SH2B3: variants seen among roughly 807,000 people sequenced by gnomAD.
The protein encoded by SH2B3 is SH2B adaptor protein 3.
In SH2B3, 43 loss-of-function variants were observed where a neutral mutation model predicts 51.9. The ratio of observed to expected loss-of-function variants is 0.83; its 90% CI spans 0.65 to 1.07. The LOEUF is 1.07. SH2B3 is among the 50% of genes least tolerant of loss of function. SH2B3 has a pLI of 0.00. For synonymous variants in SH2B3, 396 were observed against 376.0 expected, an observed-to-expected ratio of 1.05 and a Z score of -0.62; for missense variants, 952 against 834.3, an observed-to-expected ratio of 1.14 and a Z score of -1.74.
rs1047089214 is a variant in SH2B3 at position 111,410,577 on chromosome 12, G to A, written c.-28+4300G>A. 3.9e-5 allele frequency among the ~76,000 whole-genome samples: 6 copies of A among 152,104 alleles called. No homozygotes were observed. Among genetic ancestry groups the A allele is most frequent in the East Asian group, 3.9e-4 (2 of 5,172 alleles). On this transcript the variant is annotated intron_variant, in intron 1 of 7. Transcript: ENST00000341259. This position sits in a 1 kb window ranked among gnomAD's most constrained non-coding sequence, Gnocchi z 4.9. ...GCGGTGGCTGGGATGTCAGGCTGGCGGTGTGGGCAGAGGAAGCCAGAGGAC... is the reference window on the plus strand; with the variant it reads ...GCGGTGGCTGGGATGTCAGGCTGGCAGTGTGGGCAGAGGAAGCCAGAGGAC...
rs771237732 is a variant in SH2B3, at chr12:111,447,997, G to A, written c.1423G>A (p.Val475Ile). The A allele has an allele frequency of 1.3e-5, 21 of 1,610,502 alleles. No individual in the cohort carries two copies. The African/African-American group carries it at 2.0e-4, about 15-fold the overall frequency. ...ACTTGTCCTAGGTTCCTGCAACACGGTCCTCTTCCCTTTCTCCCTTCCTCA... is the reference window on the plus strand; with the variant it reads ...ACTTGTCCTAGGTTCCTGCAACACGATCCTCTTCCCTTTCTCCCTTCCTCA... ...VSQPPGSCNT[V>I]LFPFSLPHWD... is the part of the protein sequence containing the mutation. The change falls in exon 8 of 8, where the codon GTC (valine) becomes ATC (isoleucine). Residue 475 changes from valine to isoleucine, a missense_variant. Coordinates refer to ENST00000341259, the MANE Select transcript of SH2B3 (RefSeq NM_005475.3).
chr12:111,415,846 T>C (rs1474679790), intron 1 of SH2B3, among the ~76,000 whole-genome samples: 1 of 152,126 alleles, frequency 6.6e-6, no homozygotes, highest in Non-Finnish European at 1.5e-5. Flanking sequence ...GGTTTCGAAT[T>C]CCTGACCTCA....
Position 111,418,651 on chromosome 12 carries a change from C to A in SH2B3, c.506C>A (p.Ala169Asp), listed in dbSNP as rs868559919. ...GCCGCCCCCGGGACCCCCGGAGAGG[C>A]TGCTGAGACCCCCGCCCGGCCTGGC... Reference protein sequence around the residue: ...TAAAPGTPGEAAETPARPGLA... With the variant: ...TAAAPGTPGEDAETPARPGLA... The change falls in exon 2 of 8, where the codon GCT becomes GAT. Residue 169 changes from alanine to aspartate, a missense_variant. By Grantham distance (126) the Ala-to-Asp change is moderately radical (BLOSUM62 -2). Transcript: ENST00000341259. The surrounding 1 kb of genome is among the most constrained non-coding windows in gnomAD (Gnocchi z 6.7). The A allele has an allele frequency of 6.7e-7, 1 of 1,482,484 alleles. No individual in the cohort carries two copies. Among genetic ancestry groups the A allele is most frequent in the Non-Finnish European group, 8.9e-7 (1 of 1,125,898 alleles). The allele number at this position is 1,482,484 out of a possible 1,614,324, so 91.8% of individuals were successfully genotyped here.
intron 2 of SH2B3, among the ~76,000 whole-genome samples, chr12:111,437,089 C>A (rs1407478107): frequency 6.6e-6 from 1 of 151,452 alleles, no homozygotes; most frequent in Non-Finnish European, 1.5e-5. Flanking sequence ...TACCATCTGA[C>A]TGGGAGAATT....
At position 111,418,808 on chromosome 12, in the gene SH2B3, G is replaced by A; in HGVS notation, c.663G>A (p.Arg221=). ...GCGGGGCACGCTGGCAGCGCGGGAG[G>A]CTGGCGCTGCGCCGGGCCCCGGGCC... ...MDSGARWQRG[R]LALRRAPGPD... Residue 221 remains arginine (R), a synonymous_variant, in exon 2 of 8, where the codon AGG becomes AGA. Coordinates refer to ENST00000341259, the MANE Select transcript of SH2B3 (RefSeq NM_005475.3). The surrounding 1 kb of genome is among the most constrained non-coding windows in gnomAD (Gnocchi z 6.7). 1 of 1,439,612 alleles carries A rather than the reference G, an allele frequency of 6.9e-7. No homozygotes were observed. Among genetic ancestry groups the A allele is most frequent in the South Asian group, 1.4e-5 (1 of 71,136 alleles). 89.2% of individuals were successfully genotyped at this position (1,439,612 alleles called of 1,614,324 possible). A position where few individuals can be genotyped will look rare whatever the true frequency, so the allele number is the denominator to read the frequency against.
rs553189186 is a variant in SH2B3, at chr12:111,418,134, T to C, written c.-12T>C. ...TGTCTTTCAGCCCGGCCGCACCACC[T>C]GGGTCTCCGCCATGAACGGGCCTGC... On this transcript the variant is annotated 5_prime_UTR_variant, in exon 2 of 8. Coordinates refer to ENST00000341259, the MANE Select transcript of SH2B3 (RefSeq NM_005475.3). The surrounding 1 kb of genome is among the most constrained non-coding windows in gnomAD (Gnocchi z 6.7). 2.0e-6 allele frequency: 3 copies of C among 1,489,702 alleles called. No individual in the cohort carries two copies. Among genetic ancestry groups the C allele is most frequent in the African/African-American group, 2.9e-5 (2 of 68,732 alleles). 92.3% of individuals were successfully genotyped at this position (1,489,702 alleles called of 1,614,324 possible).
intron 2 of SH2B3, among the ~76,000 whole-genome samples, chr12:111,440,569 G>A (rs1452845125): frequency 2.0e-5 from 3 of 152,222 alleles, no homozygotes; most frequent in African/African-American, 7.2e-5. Context: ...GGGTCTGTGA[G>A]CGTCATTTCC....
chr12:111,431,723 T>C (rs572138323), intron 2 of SH2B3, among the ~76,000 whole-genome samples: 6 of 152,250 alleles, frequency 3.9e-5, no homozygotes, highest in African/African-American at 1.2e-4. Context: ...GCTGGGACTA[T>C]TTAATGCTGC....
chr12:111,406,523 G>T lies in SH2B3; in HGVS notation c.-28+246G>T, dbSNP rs1452368432. On this transcript the variant is annotated intron_variant, in intron 1 of 7. Transcript: ENST00000341259. This position sits in a 1 kb window ranked among gnomAD's most constrained non-coding sequence, Gnocchi z 5.7. ...GAGCGTTGGGGTAACTGAGGCCGTG[G>T]GATGGGGGAGAGGGCATCGCTGACG... Among the ~76,000 whole-genome samples, 1 of 152,166 alleles carries T rather than the reference G, an allele frequency of 6.6e-6. No homozygotes were observed. Among genetic ancestry groups the T allele is most frequent in the African/African-American group, 2.4e-5 (1 of 41,446 alleles).
intron 4 of SH2B3, 28 bp downstream of exon 4, chr12:111,447,061 A>G (rs1330677545): frequency 6.2e-7 from 1 of 1,609,694 alleles, no homozygotes; most frequent in Non-Finnish European, 8.5e-7. Context: ...CGTCCCTGGC[A>G]CCACCTTTGC....
intron 2 of SH2B3, among the ~76,000 whole-genome samples, chr12:111,423,342 C>T (rs1871710683): frequency 6.6e-6 from 1 of 152,166 alleles, no homozygotes; most frequent in Admixed American, 6.5e-5. Context: ...ATGATCTTAT[C>T]TGTGTGACAC....
chr12:111,419,902 C>T (rs1243406689), intron 2 of SH2B3, among the ~76,000 whole-genome samples: 1 of 152,216 alleles, frequency 6.6e-6, no homozygotes, highest in East Asian at 1.9e-4. Context: ...CCTTAGGCGC[C>T]TCTTGGCTGT....
chr12:111,404,816 G>C (rs2135524943), upstream of SH2B3, among the ~76,000 whole-genome samples: 1 of 152,354 alleles, frequency 6.6e-6, no homozygotes, highest in Non-Finnish European at 1.5e-5. Context: ...CCAGGAGAGT[G>C]GGTACACATT....
intron 1 of SH2B3, among the ~76,000 whole-genome samples, chr12:111,414,490 G>A (rs1870932020): frequency 6.6e-6 from 1 of 151,948 alleles, no homozygotes; most frequent in Non-Finnish European, 1.5e-5. Flanking sequence ...ACTTTGGGAG[G>A]CCAAGATGAG....
chr12:111,429,317 C>T lies in SH2B3; in HGVS notation c.732+10440C>T, dbSNP rs1872274790. Among the ~76,000 whole-genome samples, 1 of 152,104 alleles carries T rather than the reference C, an allele frequency of 6.6e-6. No homozygotes were observed. On this transcript the variant is annotated intron_variant, in intron 2 of 7. Coordinates refer to ENST00000341259, the MANE Select transcript of SH2B3 (RefSeq NM_005475.3). The surrounding 1 kb of genome is among the most constrained non-coding windows in gnomAD (Gnocchi z 4.4). Reference sequence around the variant, plus strand: ...GCTTTGCTGCTGCAGGCATCACTGGCGTTGTCATTTTTATTTATTATTTAT... The same window carrying T: ...GCTTTGCTGCTGCAGGCATCACTGGTGTTGTCATTTTTATTTATTATTTAT...
chr12:111,426,705 C>T (rs1178628197), intron 2 of SH2B3, among the ~76,000 whole-genome samples: 1 of 152,218 alleles, frequency 6.6e-6, no homozygotes, highest in African/African-American at 2.4e-5. Flanking sequence ...CCCCAACATT[C>T]ATGGCCCTGA....
At position 111,449,011 on chromosome 12, in the gene SH2B3, G is replaced by A. The variant is rs1874341648; in HGVS notation, c.*709G>A. On this transcript the variant is annotated 3_prime_UTR_variant, in exon 8 of 8. Coordinates refer to ENST00000341259, the MANE Select transcript of SH2B3 (RefSeq NM_005475.3). ...GCAAACCCTACCTAATTTACAGTCT[G>A]AGCCAGCATGCTGGCTTGTCTACTG... The A allele has an allele frequency of 6.6e-6, 1 of 152,670 alleles. No individual in the cohort carries two copies. Among genetic ancestry groups the A allele is most frequent in the South Asian group, 2.1e-4 (1 of 4,836 alleles). 9.5% of individuals were successfully genotyped at this position (152,670 alleles called of 1,614,324 possible).
At chr12:111,417,973 G>A in intron 1 of SH2B3, 146 bp from the exon 2 acceptor site, 2 of 569,222 alleles carry the variant, frequency 3.5e-6, no homozygotes, top group Non-Finnish European at 5.9e-6. Flanking sequence ...ACTTGGTAGG[G>A]GAGTGCATGT....
chr12:111,408,190 A>G (rs1176744350), intron 1 of SH2B3, among the ~76,000 whole-genome samples: 1 of 152,136 alleles, frequency 6.6e-6, no homozygotes, highest in African/African-American at 2.4e-5. Context: ...TTCCTTAGCT[A>G]TAAGGCCTTG....
Sources: allele counts gnomAD v4.1 joint callset (sites outside exome capture counted in the v4.1 genomes callset), GRCh38; gene constraint gnomAD v4.1.1; non-coding constraint Gnocchi (gnomAD v3.1); transcripts MANE v1.5; gene names NCBI Gene and HGNC (gene_info 2026-07-23, HGNC 2026-07-21).